Variants in IQCE observed in about 807,000 individuals in gnomAD.
IQCE encodes IQ motif containing E.
A neutral mutation model predicts 96.0 loss-of-function variants in IQCE; 115 were observed. The observed-to-expected ratio is 1.20, with a 90% confidence interval of 1.03 to 1.40. The LOEUF is 1.40. Among genes scored for constraint, IQCE ranks in the 40% most tolerant of loss-of-function variants. IQCE has a pLI of 0.00. For synonymous variants in IQCE, 412 were observed against 371.2 expected (o/e 1.11, Z -1.26); for missense variants, 1,041 against 909.1 (o/e 1.15, Z -1.87).
At chr7:2,598,775 A>C in intron 17 of IQCE, 143 bp downstream of exon 17, 1 of 632,128 alleles carries the variant, frequency 1.6e-6, no homozygotes, top group Non-Finnish European at 2.4e-6. Context: ...GAAAATGAAA[A>C]CCTCATTCAC....
chr7:2,594,106 A>G (rs925392085), intron 15 of IQCE, among the ~76,000 whole-genome samples: 1 of 152,242 alleles, frequency 6.6e-6, no homozygotes, highest in African/African-American at 2.4e-5. Context: ...CCAAAAATAC[A>G]AAAATTAGCC....
In IQCE at chr7:2,563,653, C is replaced by T. The variant is rs193265855; in HGVS notation, c.37-3463C>T. Among the ~76,000 whole-genome samples the T allele has an allele frequency of 8.7e-3, 1,325 of 152,056 alleles. 11 individuals are homozygous for T. Among genetic ancestry groups the T allele is most frequent in the African/African-American group, 0.03 (1,242 of 41,464 alleles). Reference sequence around the variant, plus strand: ...TTGATTTTTAAAATTCACTCACTTTCGGAGGCCGAGGCGGGCGGATCACGA... The same window carrying T: ...TTGATTTTTAAAATTCACTCACTTTTGGAGGCCGAGGCGGGCGGATCACGA... On this transcript the variant is annotated intron_variant, in intron 1 of 21. Coordinates refer to ENST00000402050, the MANE Select transcript of IQCE (RefSeq NM_152558.5).
At chr7:2,565,135 T>A (rs760098462) in intron 1 of IQCE, among the ~76,000 whole-genome samples, 9 of 56,704 alleles carry the variant, frequency 1.6e-4, no homozygotes, top group Admixed American at 3.4e-4. Context: ...TGTGTGTGAG[T>A]GTGTGTGTGT....
intron 14 of IQCE, among the ~76,000 whole-genome samples, chr7:2,590,880 A>G (rs926571069): frequency 2.0e-5 from 3 of 152,210 alleles, no homozygotes; most frequent in Admixed American, 1.3e-4. Context: ...TGTAAAATCA[A>G]TTCGATTTTA....
intron 8 of IQCE, among the ~76,000 whole-genome samples, chr7:2,581,691 A>G (rs1158113712): frequency 2.0e-5 from 3 of 150,370 alleles, no homozygotes; most frequent in African/African-American, 7.3e-5. Context: ...AAAGTTGTCT[A>G]TTTAGAAGAA....
chr7:2,568,618 G>C (rs1312083425), intron 2 of IQCE, among the ~76,000 whole-genome samples: 1 of 152,214 alleles, frequency 6.6e-6, no homozygotes, highest in African/African-American at 2.4e-5. Flanking sequence ...AGGTGCGCTG[G>C]GCTCCCAGGC....
intron 8 of IQCE, among the ~76,000 whole-genome samples, chr7:2,582,228 A>G (rs1017021497): frequency 6.6e-6 from 1 of 152,118 alleles, no homozygotes; most frequent in South Asian, 2.1e-4. Context: ...TGGTTTATCC[A>G]GCTGGTGATG....
chr7:2,564,751 G>A (rs180743808), intron 1 of IQCE, among the ~76,000 whole-genome samples: 1 of 152,268 alleles, frequency 6.6e-6, no homozygotes, highest in East Asian at 1.9e-4. Context: ...ATGTACACTT[G>A]AGTAGAATGT....
At chr7:2,584,202 T>G in intron 10 of IQCE, 34 bp from the exon 11 acceptor site, 1 of 1,593,974 alleles carries the variant, frequency 6.3e-7, no homozygotes, top group Non-Finnish European at 8.6e-7. Context: ...ATGCTAGCCT[T>G]GTGTTTTCAT....
intron 8 of IQCE, chr7:2,582,146 C>A: frequency 2.2e-6 from 1 of 447,856 alleles, no homozygotes; most frequent in Non-Finnish European, 4.6e-6. Flanking sequence ...GCCCCTACGG[C>A]CGCGCTGTCT....
chr7:2,603,111 C>T (rs1292008385), intron 18 of IQCE, among the ~76,000 whole-genome samples: 1 of 152,156 alleles, frequency 6.6e-6, no homozygotes, highest in Non-Finnish European at 1.5e-5. Flanking sequence ...ATGGCAACTT[C>T]CAACATCCCC....
chr7:2,597,100 C>G, intron 16 of IQCE: 1 of 470,826 alleles, frequency 2.1e-6, no homozygotes, highest in Non-Finnish European at 4.4e-6. Flanking sequence ...AAGACCTGGG[C>G]CAGGGCCTTT....
At position 2,611,094 on chromosome 7, in the gene IQCE, G is replaced by A; in HGVS notation, c.*932G>A. On this transcript the variant is annotated 3_prime_UTR_variant, in exon 22 of 22. Coordinates refer to ENST00000402050, the MANE Select transcript of IQCE (RefSeq NM_152558.5). ...CCGTCACCCCATGTGTGCGGCCTCT[G>A]CACTCCCAAGCTCCATGGCTGGGCT... is the stretch of plus-strand genomic sequence containing the variant. 1 of 124,140 alleles carries A rather than the reference G, an allele frequency of 8.1e-6. No homozygotes were observed. Among genetic ancestry groups the A allele is most frequent in the Non-Finnish European group, 1.7e-5 (1 of 59,208 alleles). 7.7% of individuals were successfully genotyped at this position (124,140 alleles called of 1,614,324 possible).
intron 11 of IQCE, among the ~76,000 whole-genome samples, chr7:2,585,671 C>G (rs553597664): frequency 6.6e-6 from 1 of 152,256 alleles, no homozygotes; most frequent in African/African-American, 2.4e-5. Flanking sequence ...CTGAGCACCA[C>G]CTGGGTCAGC....
At chr7:2,587,627 C>G (rs549937909) in intron 12 of IQCE, among the ~76,000 whole-genome samples, 195 bp from the exon 13 acceptor site, 3 of 152,264 alleles carry the variant, frequency 2.0e-5, no homozygotes, top group African/African-American at 7.2e-5. Flanking sequence ...ACATCTATCT[C>G]TTCACGATCC....
At chr7:2,582,549 G>A (rs773594149) in intron 8 of IQCE, 31 bp from the exon 9 acceptor site, 2 of 1,605,868 alleles carry the variant, frequency 1.2e-6, no homozygotes, top group East Asian at 4.5e-5. Flanking sequence ...GAGAGGGCGT[G>A]GCCTGCCTGA....
Position 2,591,399 on chromosome 7 carries a change from T to C in IQCE, c.1244+1293T>C, listed in dbSNP as rs374292354. 6.6e-5 allele frequency among the ~76,000 whole-genome samples: 10 copies of C among 152,284 alleles called. No individual in the cohort carries two copies. The East Asian group carries it at 1.9e-3, about 30-fold the overall frequency. On this transcript the variant is annotated intron_variant, in intron 14 of 21. Coordinates refer to ENST00000402050, the MANE Select transcript of IQCE (RefSeq NM_152558.5). Reference sequence around the variant, plus strand: ...CTGGCTCCTGTCCTCCTCCTGTTGATAGCTCCTCAGGGCTCGGCTCCTTCA... The same window carrying C: ...CTGGCTCCTGTCCTCCTCCTGTTGACAGCTCCTCAGGGCTCGGCTCCTTCA...
Position 2,568,996 on chromosome 7 carries a change from C to T in IQCE, c.127C>T (p.Pro43Ser). ...KAFHKPPPTS[P>S]KSPYLSKPRK... ...TTTCCACAAACCTCCACCCACATCG[C>T]CAAGTAAGTATGACGAGGCCTGCCT... Residue 43 changes from proline to serine, a missense_variant, in exon 3 of 22, where the codon CCA becomes TCA. Pro to Ser is a moderately conservative substitution (Grantham distance 74). Transcript: ENST00000402050. 6.2e-7 allele frequency: 1 copy of T among 1,613,970 alleles called. No individual in the cohort carries two copies. The highest frequency in any genetic ancestry group is 8.5e-7 in the Non-Finnish European group (1 of 1,179,950).
chr7:2,571,411 C>T, intron 3 of IQCE, 115 bp from the exon 4 acceptor site: 4 of 1,318,560 alleles, frequency 3.0e-6, no homozygotes, highest in Non-Finnish European at 3.2e-6. Context: ...GAATGTTTGA[C>T]TAGAGTCACC....
Sources: allele counts gnomAD v4.1 joint callset (sites outside exome capture counted in the v4.1 genomes callset), GRCh38; gene constraint gnomAD v4.1.1; transcripts MANE v1.5; gene names NCBI Gene and HGNC (gene_info 2026-07-23, HGNC 2026-07-21).